RIMBP2: variants seen among roughly 807,000 people sequenced by gnomAD.
RIMBP2 encodes RIMS binding protein 2.
Under a neutral mutation model 118.6 loss-of-function variants are expected in RIMBP2, and 48 were observed. The observed-to-expected ratio is 0.40, with a 90% CI of 0.32 to 0.51. The LOEUF is 0.51. RIMBP2 is among the 20% of genes least tolerant of loss of function. The pLI is 0.41. For synonymous variants in RIMBP2, 762 were observed against 742.9 expected, an observed-to-expected ratio of 1.03 and a Z score of -0.42; for missense variants, 1,551 against 1,768.3, an observed-to-expected ratio of 0.88 and a Z score of 2.20.
chr12:130,411,730 G>A (rs1020146341), intron 19 of RIMBP2, among the ~76,000 whole-genome samples: 18 of 152,082 alleles, frequency 1.2e-4, no homozygotes, highest in African/African-American at 3.9e-4. Flanking sequence ...AAAGATCTTC[G>A]ATCTCATGGA....
At chr12:130,706,429 G>A (rs901976202) in intron 1 of RIMBP2, among the ~76,000 whole-genome samples, 7 of 152,364 alleles carry the variant, frequency 4.6e-5, no homozygotes, top group African/African-American at 7.2e-5. Context: ...AGCAGAGATC[G>A]GGGCCTGCCA....
In RIMBP2 at chr12:130,419,104, G is replaced by C. The variant is rs573171949; in HGVS notation, c.3238+3349C>G. Among the ~76,000 whole-genome samples, 1 of 152,200 alleles carries C rather than the reference G, an allele frequency of 6.6e-6. No individual in the cohort carries two copies. Among genetic ancestry groups the C allele is most frequent in the African/African-American group, 2.4e-5 (1 of 41,460 alleles). ...GGATGTGTTATGAGCACCAAACCTC[G>C]ACAGGGAAAGAGTAGCAGCCTCCCT... On this transcript the variant is annotated intron_variant, in intron 17 of 22. Transcript: ENST00000690449. This position sits in a 1 kb window ranked among gnomAD's most constrained non-coding sequence, Gnocchi z 4.3.
chr12:130,520,727 G>A (rs183945127), intron 2 of RIMBP2, among the ~76,000 whole-genome samples: 7 of 138,474 alleles, frequency 5.1e-5, no homozygotes, highest in Non-Finnish European at 1.1e-4. Flanking sequence ...TGAAACTAAC[G>A]ACCCCCTACC....
chr12:130,635,954 A>C (rs1158909357), intron 1 of RIMBP2, among the ~76,000 whole-genome samples: 1 of 151,890 alleles, frequency 6.6e-6, no homozygotes, highest in East Asian at 1.9e-4. Flanking sequence ...ACGGAAATCT[A>C]TGTCCCTCCC....
chr12:130,520,970 T>C, intron 2 of RIMBP2, among the ~76,000 whole-genome samples: 1 of 152,196 alleles, frequency 6.6e-6, no homozygotes, highest in East Asian at 1.9e-4. Flanking sequence ...GGACGTGTGG[T>C]TCCACAAGCA....
In RIMBP2 at chr12:130,709,267, A is replaced by G. The variant is rs184023626; in HGVS notation, c.-352+6955T>C. 3.7e-3 allele frequency among the ~76,000 whole-genome samples: 565 copies of G among 152,310 alleles called. 2 individuals carry two copies. Among genetic ancestry groups the G allele is most frequent in the Non-Finnish European group, 6.7e-3 (453 of 68,016 alleles). On this transcript the variant is annotated intron_variant, in intron 1 of 22. Transcript: ENST00000690449. ...GAGGCATGGCCCTCCCGGGGCCCCA[A>G]CTGCCATTCGCTGCATCCACCCTTC...
At chr12:130,454,735 A>C (rs190871906) in intron 7 of RIMBP2, among the ~76,000 whole-genome samples, 1 of 152,366 alleles carries the variant, frequency 6.6e-6, no homozygotes, top group Admixed American at 6.5e-5. Context: ...GTGGTTAATC[A>C]GATTCCTTTT....
intron 1 of RIMBP2, among the ~76,000 whole-genome samples, chr12:130,675,307 G>A (rs1016263076): frequency 3.3e-5 from 5 of 152,032 alleles, no homozygotes; most frequent in Admixed American, 1.3e-4. Context: ...CTCTCTCCTC[G>A]TCCTGCTCCA....
At chr12:130,647,979 C>T (rs2063061084) in intron 1 of RIMBP2, among the ~76,000 whole-genome samples, 1 of 127,874 alleles carries the variant, frequency 7.8e-6, no homozygotes, top group Non-Finnish European at 1.9e-5. Flanking sequence ...TGGACCCCAG[C>T]TCCGTTGGAT....
chr12:130,422,372 A>T lies in RIMBP2; in HGVS notation c.3238+81T>A. ...GCTTAGCGGAAAATGCTACTCCTAA[A>T]GTTTTGTTCATGCTTAGATGGAGTA... On this transcript the variant is annotated intron_variant, in intron 17 of 22. Transcript: ENST00000690449. The surrounding 1 kb of genome is among the most constrained non-coding windows in gnomAD (Gnocchi z 5.2). 1.1e-6 allele frequency: 1 copy of T among 926,330 alleles called. No individual in the cohort carries two copies. The highest frequency in any genetic ancestry group is 1.7e-6 in the Non-Finnish European group (1 of 602,678). 57.4% of individuals were successfully genotyped at this position (926,330 alleles called of 1,614,324 possible). A position where few individuals can be genotyped will look rare whatever the true frequency, so the allele number is the denominator to read the frequency against.
At chr12:130,666,736 GGGGAAGGA>G (rs2063928801) in intron 1 of RIMBP2, among the ~76,000 whole-genome samples, 1 of 146,048 alleles carries the variant, frequency 6.8e-6, no homozygotes, top group South Asian at 2.3e-4. Flanking sequence ...GGGAAGAAGA[GGGGAAGGA>G]GGGAAGGAGT....
chr12:130,497,421 G>A (rs546064451), intron 4 of RIMBP2, among the ~76,000 whole-genome samples: 2 of 152,312 alleles, frequency 1.3e-5, no homozygotes, highest in Admixed American at 6.5e-5. Flanking sequence ...AACCTTGTGA[G>A]TGTGAAGTTA....
Position 130,621,886 on chromosome 12 carries a change from A to C in RIMBP2, c.-217+6436T>G, listed in dbSNP as rs1426036033. Among the ~76,000 whole-genome samples the C allele has an allele frequency of 2.6e-5, 4 of 152,166 alleles. No homozygotes were observed. The highest frequency in any genetic ancestry group is 5.9e-5 in the Non-Finnish European group (4 of 68,036). On this transcript the variant is annotated intron_variant, in intron 2 of 22. Transcript: ENST00000690449. This position sits in a 1 kb window ranked among gnomAD's most constrained non-coding sequence, Gnocchi z 6.6. Reference sequence around the variant, plus strand: ...ACTGAGGCCAGCAGGCCAGCATCACACACACTTCCCGACAGGCCCAGGACA... The same window carrying C: ...ACTGAGGCCAGCAGGCCAGCATCACCCACACTTCCCGACAGGCCCAGGACA...
At chr12:130,668,160 C>T (rs2064033854) in intron 1 of RIMBP2, 1 of 152,184 alleles carries the variant, frequency 6.6e-6, no homozygotes, top group African/African-American at 2.4e-5. Flanking sequence ...TGCCCTTAAC[C>T]TGCGAAACCC....
rs540216570 is a variant in RIMBP2, at chr12:130,450,303, G to A, written c.505-27C>T. On this transcript the variant is annotated intron_variant, in intron 8 of 22. Transcript: ENST00000690449. The surrounding 1 kb of genome is among the most constrained non-coding windows in gnomAD (Gnocchi z 4.8). ...TGTGAAAAAGGCAATGGGTGTGTGGGTTATTGAAGCTGGAGGTGTCCCACC... is the reference window on the plus strand; with the variant it reads ...TGTGAAAAAGGCAATGGGTGTGTGGATTATTGAAGCTGGAGGTGTCCCACC... 1.1e-5 allele frequency: 17 copies of A among 1,562,528 alleles called. No individual in the cohort carries two copies. The South Asian group carries it at 1.7e-4, about 16-fold the overall frequency.
chr12:130,611,355 C>T (rs1430870023), intron 2 of RIMBP2, among the ~76,000 whole-genome samples: 2 of 152,230 alleles, frequency 1.3e-5, no homozygotes, highest in Admixed American at 1.3e-4. Flanking sequence ...CGTAAAGGAT[C>T]TCTTTGAGCT....
intron 1 of RIMBP2, among the ~76,000 whole-genome samples, chr12:130,647,018 C>T (rs2043550951): frequency 6.6e-6 from 1 of 152,296 alleles, no homozygotes; most frequent in Middle Eastern, 3.4e-3. Context: ...AGAGTGGGGA[C>T]CCATCTTAAG....
rs1949853464 is a variant in RIMBP2, at chr12:130,710,682, G to A, written c.-352+5540C>T. ...GGCTCAGCACCAACAGGAAGGACCT[G>A]TCCACACAGCTAGGCCAAGGAGAGA... On this transcript the variant is annotated intron_variant, in intron 1 of 22. Transcript: ENST00000690449. The surrounding 1 kb of genome is among the most constrained non-coding windows in gnomAD (Gnocchi z 4.3). 6.6e-6 allele frequency among the ~76,000 whole-genome samples: 1 copy of A among 152,178 alleles called. No homozygotes were observed. The highest frequency in any genetic ancestry group is 2.1e-4 in the South Asian group (1 of 4,830).
intron 2 of RIMBP2, among the ~76,000 whole-genome samples, chr12:130,570,620 G>C (rs77123637): frequency 0.011 from 1,732 of 152,188 alleles, 32 homozygotes; most frequent in African/African-American, 0.039. Context: ...GGCTGTGGAC[G>C]AGTCGTCTAG....
Sources: allele counts gnomAD v4.1 joint callset (sites outside exome capture counted in the v4.1 genomes callset), GRCh38; gene constraint gnomAD v4.1.1; non-coding constraint Gnocchi (gnomAD v3.1); transcripts MANE v1.5; gene names NCBI Gene and HGNC (gene_info 2026-07-23, HGNC 2026-07-21).